The following PLAGL1 variants were observed in gnomAD, a reference collection of about 807,000 sequenced individuals.
The protein encoded by PLAGL1 is zinc finger protein PLAGL1.
A neutral mutation model predicts 4.6 loss-of-function variants in PLAGL1; 1 was observed. The observed-to-expected ratio is 0.22, with a 90% CI of 0.08 to 1.03. PLAGL1 has a LOEUF of 1.03. Ranked by LOEUF, PLAGL1 falls within the 50% of genes least tolerant of loss-of-function variation. The pLI is 0.58. For missense variants in PLAGL1, 464 were observed against 570.4 expected, an observed-to-expected ratio of 0.81 and a Z score of 1.90; for synonymous variants, 240 against 237.8, an observed-to-expected ratio of 1.01 and a Z score of -0.08.
chr6:144,025,660 C>T (rs1402256595), intron 1 of PLAGL1, among the ~76,000 whole-genome samples: 4 of 152,042 alleles, frequency 2.6e-5, no homozygotes, highest in African/African-American at 4.8e-5. Flanking sequence ...GAGGCTGAGG[C>T]GGGTAGATAA....
intron 1 of PLAGL1, among the ~76,000 whole-genome samples, chr6:144,021,480 A>G (rs770407081): frequency 2.0e-5 from 3 of 152,154 alleles, no homozygotes; most frequent in Non-Finnish European, 4.4e-5. Context: ...CACGGAGAAA[A>G]ACAACTTTTA....
In PLAGL1 at chr6:144,004,924, A is replaced by G. The variant is rs1290908817; in HGVS notation, c.-584+3166T>C. ...TTAATGAAACATAAACCTTAGAGAC[A>G]GGAGATTTTATTCATATATATATAT... On this transcript the variant is annotated intron_variant, in intron 1 of 7. Coordinates refer to ENST00000674357, the MANE Select transcript of PLAGL1 (RefSeq NM_001317162.2). This position sits in a 1 kb window ranked among gnomAD's most constrained non-coding sequence, Gnocchi z 4.2. 1 of 145,396 alleles carries G rather than the reference A, an allele frequency of 6.9e-6. No individual in the cohort carries two copies. Among genetic ancestry groups the G allele is most frequent in the Non-Finnish European group, 1.5e-5 (1 of 66,392 alleles). 9.0% of individuals were successfully genotyped at this position (145,396 alleles called of 1,614,324 possible).
rs1226671095 is a variant in PLAGL1, at chr6:143,947,662, G to A, written c.152+323C>T. The stretch of plus-strand genomic sequence containing the variant: ...GTCCCAGGTTTCATCAGGCAGTGAA[G>A]AACAACTTCTACCACCTGTATAGCT... On this transcript the variant is annotated intron_variant, in intron 7 of 7. Transcript: ENST00000674357. This position sits in a 1 kb window ranked among gnomAD's most constrained non-coding sequence, Gnocchi z 4.3. 6.6e-6 allele frequency among the ~76,000 whole-genome samples: 1 copy of A among 152,206 alleles called. No individual in the cohort carries two copies. The highest frequency in any genetic ancestry group is 2.4e-5 in the African/African-American group (1 of 41,438).
intron 1 of PLAGL1, among the ~76,000 whole-genome samples, chr6:144,031,561 T>C (rs900671729): frequency 1.3e-5 from 2 of 152,222 alleles, no homozygotes. Flanking sequence ...TTCATTCTCA[T>C]ACATGTGGCT....
Position 144,034,504 on chromosome 6 carries a change from G to A in PLAGL1, c.-151+29964C>T, listed in dbSNP as rs1797070317. On this transcript the variant is annotated intron_variant, in intron 1 of 3. Transcript: ENST00000437412. This position sits in a 1 kb window ranked among gnomAD's most constrained non-coding sequence, Gnocchi z 4.7. Reference sequence around the variant, plus strand: ...AATAAAACACTTATTTGTTTCCTTTGTATCCTCCTCTCATTCAGGGGGTTC... The same window carrying A: ...AATAAAACACTTATTTGTTTCCTTTATATCCTCCTCTCATTCAGGGGGTTC... 6.6e-6 allele frequency among the ~76,000 whole-genome samples: 1 copy of A among 152,102 alleles called. No individual in the cohort carries two copies. The highest frequency in any genetic ancestry group is 1.5e-5 in the Non-Finnish European group (1 of 68,004).
Position 143,955,643 on chromosome 6 carries a change from C to T in PLAGL1, c.-325+4826G>A, listed in dbSNP as rs527611241. On this transcript the variant is annotated intron_variant, in intron 6 of 7. Coordinates refer to ENST00000674357, the MANE Select transcript of PLAGL1 (RefSeq NM_001317162.2). The surrounding 1 kb of genome is among the most constrained non-coding windows in gnomAD (Gnocchi z 4.9). ...AAACCAAACTACCAAGGGGAAAGGA[C>T]GACCCAGGCGCTCACCACCAGGGAG... Among the ~76,000 whole-genome samples, 3 of 152,160 alleles carry T rather than the reference C, an allele frequency of 2.0e-5. No individual in the cohort carries two copies. Among genetic ancestry groups the T allele is most frequent in the African/African-American group, 4.8e-5 (2 of 41,518 alleles).
chr6:144,062,168 G>T (rs753860990), intron 1 of PLAGL1, among the ~76,000 whole-genome samples: 1 of 152,102 alleles, frequency 6.6e-6, no homozygotes, highest in Non-Finnish European at 1.5e-5. Flanking sequence ...ACGAGGTCAT[G>T]AGATGGAGAC....
chr6:143,963,345 C>G lies in PLAGL1; in HGVS notation c.-399+1442G>C, dbSNP rs572281150. On this transcript the variant is annotated intron_variant, in intron 5 of 7. Transcript: ENST00000674357. This position sits in a 1 kb window ranked among gnomAD's most constrained non-coding sequence, Gnocchi z 6.1. ...CAGCTCTCGGGATACCTTGCAGTGC[C>G]CCTTCAAGGTCACATGGTGGGGCTT... Among the ~76,000 whole-genome samples the G allele has an allele frequency of 1.3e-5, 2 of 152,268 alleles. No homozygotes were observed. Among genetic ancestry groups the G allele is most frequent in the South Asian group, 4.2e-4 (2 of 4,808 alleles).
intron 2 of PLAGL1, among the ~76,000 whole-genome samples, chr6:143,981,263 T>TG (rs1196487692): frequency 3.7e-4 from 21 of 56,398 alleles, no homozygotes; most frequent in African/African-American, 6.7e-4. Flanking sequence ...GGGGGTGGGG[T>TG]GGGGGGGACA....
intron 2 of PLAGL1, among the ~76,000 whole-genome samples, chr6:143,974,594 A>G (rs943165835): frequency 1.3e-5 from 2 of 152,310 alleles, no homozygotes; most frequent in East Asian, 3.9e-4. Context: ...TGTGACAAAA[A>G]TGGTGTGACA....
At chr6:144,042,003 A>G (rs1797777453) in intron 1 of PLAGL1, among the ~76,000 whole-genome samples, 1 of 152,138 alleles carries the variant, frequency 6.6e-6, no homozygotes, top group South Asian at 2.1e-4. Context: ...ATCTGTTCAT[A>G]TCCTTTGCCC....
intron 1 of PLAGL1, among the ~76,000 whole-genome samples, chr6:144,041,043 G>A (rs1457503767): frequency 6.6e-6 from 1 of 152,168 alleles, no homozygotes; most frequent in African/African-American, 2.4e-5. Context: ...TTCTTTTCCA[G>A]AACAGGAAAT....
Position 143,964,254 on chromosome 6 carries a change from C to T in PLAGL1, c.-399+533G>A, listed in dbSNP as rs865862558. 1.3e-5 allele frequency among the ~76,000 whole-genome samples: 2 copies of T among 152,144 alleles called. No homozygotes were observed. The highest frequency in any genetic ancestry group is 2.9e-5 in the Non-Finnish European group (2 of 68,026). On this transcript the variant is annotated intron_variant, in intron 5 of 7. Coordinates refer to ENST00000674357, the MANE Select transcript of PLAGL1 (RefSeq NM_001317162.2). The surrounding 1 kb of genome is among the most constrained non-coding windows in gnomAD (Gnocchi z 4.3). The stretch of plus-strand genomic sequence containing the variant: ...GCAGGAGGTTTCCAGCCCTCACTGG[C>T]GGCCCTGGGGCAGACAGCTACAAGG...
intron 1 of PLAGL1, among the ~76,000 whole-genome samples, chr6:144,058,612 C>T (rs1799163534): frequency 6.6e-6 from 1 of 152,188 alleles, no homozygotes; most frequent in Admixed American, 6.5e-5. Context: ...AAATTATTTA[C>T]TTCCAAAATA....
chr6:144,010,651 A>C (rs993256717), upstream of PLAGL1, among the ~76,000 whole-genome samples: 16 of 152,342 alleles, frequency 1.1e-4, no homozygotes, highest in Non-Finnish European at 1.8e-4. This position sits in a 1 kb window ranked among gnomAD's most constrained non-coding sequence, Gnocchi z 4.1. Context: ...AGCCAAGACA[A>C]TCCTAAGCAA....
rs189508197 is a variant in PLAGL1 at position 144,045,594 on chromosome 6, G to A, written c.-151+18874C>T. ...ATGGGCTTCCCTTTGTGGGTAACCC[G>A]ACCTTTCTCTCTGGCTGCCCTTAAC... is the stretch of plus-strand genomic sequence containing the variant. On this transcript the variant is annotated intron_variant, in intron 1 of 3. Coordinates refer to the PLAGL1 transcript ENST00000437412. 2.5e-3 allele frequency among the ~76,000 whole-genome samples: 386 copies of A among 152,288 alleles called. 1 individual carries two copies. The highest frequency in any genetic ancestry group is 0.024 in the Middle Eastern group (7 of 294).
At chr6:144,047,211 C>A (rs1306181031) in intron 1 of PLAGL1, among the ~76,000 whole-genome samples, 1 of 152,198 alleles carries the variant, frequency 6.6e-6, no homozygotes, top group African/African-American at 2.4e-5. Flanking sequence ...CACCCACTGT[C>A]CAACCAGTCC....
rs559446232 is a variant in PLAGL1, at chr6:143,981,089, A to G, written c.-544+4046T>C. ...AAATATTTTCCATCTGGCCCTTTAC[A>G]AAACAGTTTTATGACCTGTCTTGAA... On this transcript the variant is annotated intron_variant, in intron 2 of 7. Transcript: ENST00000674357. Among the ~76,000 whole-genome samples the G allele has an allele frequency of 5.9e-5, 9 of 152,344 alleles. No individual in the cohort carries two copies. In the East Asian group the frequency reaches 1.5e-3, roughly 26 times the overall value.
In PLAGL1 at chr6:143,941,331, C is replaced by T. The variant is rs1778525230; in HGVS notation, c.*93G>A. 1.0e-6 allele frequency: 1 copy of T among 967,424 alleles called. No homozygotes were observed. The highest frequency in any genetic ancestry group is 1.6e-5 in the African/African-American group (1 of 60,882). The allele number at this position is 967,424 out of a possible 1,614,324, so 59.9% of individuals were successfully genotyped here. On this transcript the variant is annotated 3_prime_UTR_variant, in exon 8 of 8. Transcript: ENST00000674357. The surrounding 1 kb of genome is among the most constrained non-coding windows in gnomAD (Gnocchi z 6.0). ...TCACTGAATAAGCCATAGTCCCAGT[C>T]TCGTTTTCCAAATCTTTCTCATATT...
Sources: allele counts gnomAD v4.1 joint callset (sites outside exome capture counted in the v4.1 genomes callset), GRCh38; gene constraint gnomAD v4.1.1; non-coding constraint Gnocchi (gnomAD v3.1); transcripts MANE v1.5; gene names NCBI Gene and HGNC (gene_info 2026-07-23, HGNC 2026-07-21).